SKOR2: variants seen among roughly 807,000 people sequenced by gnomAD.
The protein encoded by SKOR2 is SKI family transcriptional corepressor 2.
Under a neutral mutation model 69.1 loss-of-function variants are expected in SKOR2, and 47 were observed. That is an observed-to-expected ratio of 0.68 (90% CI 0.54 to 0.87). The LOEUF (loss-of-function observed/expected upper bound fraction) is 0.87. Ranked by LOEUF, SKOR2 falls within the 40% of genes least tolerant of loss-of-function variation. SKOR2 has a pLI of 0.00. For missense variants in SKOR2, 1,404 were observed against 1,472.2 expected (o/e 0.95, Z 0.76); for synonymous variants, 717 against 672.6 (o/e 1.07, Z -1.02).
At chr18:47,234,704 T>C (rs2064214140) in intron 4 of SKOR2, among the ~76,000 whole-genome samples, 1 of 151,736 alleles carries the variant, frequency 6.6e-6, no homozygotes, top group Non-Finnish European at 1.5e-5. Context: ...CTACTAAAAA[T>C]ACAAAAACTA....
chr18:47,247,260 C>T lies in SKOR2; in HGVS notation c.1924G>A (p.Ala642Thr). 1 of 1,478,064 alleles carries T rather than the reference C, an allele frequency of 6.8e-7. No individual in the cohort carries two copies. The highest frequency in any genetic ancestry group is 8.9e-7 in the Non-Finnish European group (1 of 1,120,174). 91.6% of individuals were successfully genotyped at this position (1,478,064 alleles called of 1,614,324 possible). ...DAESLAKLHG[A>T]SAGAPHSAQT... is the part of the protein sequence containing the mutation. ...GCCGAGTGGGGCGCGCCCGCCGACG[C>T]CCCGTGCAGCTTGGCCAGGCTCTCC... The change falls in exon 2 of 9, where the codon GCG (alanine) becomes ACG (threonine). Residue 642 changes from alanine to threonine, a missense_variant. This residue lies in a region of SKOR2 where 1,266 missense variants were observed against 1,309.9 expected (regional missense o/e 0.97). Transcript: ENST00000425639. This position sits in a 1 kb window ranked among gnomAD's most constrained non-coding sequence, Gnocchi z 6.6.
intron 6 of SKOR2, among the ~76,000 whole-genome samples, chr18:47,222,175 A>G (rs1465366074): frequency 6.6e-6 from 1 of 152,042 alleles, no homozygotes; most frequent in East Asian, 1.9e-4. Flanking sequence ...ACAAAAAATT[A>G]TCTGAGCATG....
chr18:47,215,221 G>C (rs1191402442), intron 7 of SKOR2, among the ~76,000 whole-genome samples: 1 of 152,138 alleles, frequency 6.6e-6, no homozygotes, highest in Non-Finnish European at 1.5e-5. Flanking sequence ...AGCCTCCACA[G>C]AAGTTCAGGC....
chr18:47,248,069 G>A lies in SKOR2; in HGVS notation c.1115C>T (p.Ala372Val). The change falls in exon 2 of 9, where the codon GCA becomes GTA. Residue 372 changes from alanine to valine, a missense_variant. This residue lies in a region of SKOR2 where 1,266 missense variants were observed against 1,309.9 expected (regional missense o/e 0.97). Transcript: ENST00000425639. The surrounding 1 kb of genome is among the most constrained non-coding windows in gnomAD (Gnocchi z 6.4). ...VGAGAGAGAG[A>V]GAKGPRSYPV... Reference sequence around the variant, plus strand: ...GTAGCTGCGCGGGCCTTTGGCCCCTGCCCCGGCACCCGCCCCCGCGCCCGC... The same window carrying A: ...GTAGCTGCGCGGGCCTTTGGCCCCTACCCCGGCACCCGCCCCCGCGCCCGC... 1 of 1,408,512 alleles carries A rather than the reference G, an allele frequency of 7.1e-7. No individual in the cohort carries two copies. The highest frequency in any genetic ancestry group is 9.2e-7 in the Non-Finnish European group (1 of 1,081,984). The allele number at this position is 1,408,512 out of a possible 1,614,324, so 87.3% of individuals were successfully genotyped here. A position where few individuals can be genotyped will look rare whatever the true frequency, so the allele number is the denominator to read the frequency against.
intron 7 of SKOR2, among the ~76,000 whole-genome samples, chr18:47,214,301 A>C (rs776510093): frequency 6.6e-6 from 1 of 152,192 alleles, no homozygotes; most frequent in African/African-American, 2.4e-5. Flanking sequence ...TAGAAAGTTG[A>C]GAAGGAAAAG....
chr18:47,224,503 TACATCTGGTTC>T (rs1414684963), intron 6 of SKOR2, among the ~76,000 whole-genome samples: 1 of 152,154 alleles, frequency 6.6e-6, no homozygotes, highest in Non-Finnish European at 1.5e-5. Flanking sequence ...ACCCATAGGG[TACATCTGGTTC>T]ACATCTGGTT....
chr18:47,248,772 T>G lies in SKOR2; in HGVS notation c.412A>C (p.Lys138Gln), dbSNP rs1290901905. 6.5e-7 allele frequency: 1 copy of G among 1,549,988 alleles called. No homozygotes were observed. Among genetic ancestry groups the G allele is most frequent in the Non-Finnish European group, 8.7e-7 (1 of 1,154,526 alleles). Residue 138 changes from lysine to glutamine, a missense_variant, in exon 2 of 9, where the codon AAG (lysine) becomes CAG (glutamine). Lys to Gln is a moderately conservative substitution (Grantham distance 53, BLOSUM62 1). Transcript: ENST00000425639. The surrounding 1 kb of genome is among the most constrained non-coding windows in gnomAD (Gnocchi z 6.4). ...KSFLGENRPP[K>Q]LPDNFAFDVS... ...TCGAAGGCGAAATTGTCTGGCAGCT[T>G]GGGCGGCCTGTTTTCGCCCAGGAAC...
At chr18:47,250,196 ATATCTT>A (rs1438091112) in intron 1 of SKOR2, among the ~76,000 whole-genome samples, 2 of 152,158 alleles carry the variant, frequency 1.3e-5, no homozygotes, top group African/African-American at 4.8e-5. Context: ...TGATATCTCT[ATATCTT>A]TATGGGGAAA....
Position 47,247,379 on chromosome 18 carries a change from G to A in SKOR2, c.1805C>T (p.Pro602Leu). The A allele has an allele frequency of 7.1e-7, 1 of 1,411,468 alleles. No homozygotes were observed. Among genetic ancestry groups the A allele is most frequent in the East Asian group, 3.1e-5 (1 of 32,552 alleles). 87.4% of individuals were successfully genotyped at this position (1,411,468 alleles called of 1,614,324 possible). ...SGPAGSRVPA[P>L]HHPHLLEGRK... ...CCCCTCCAGAAGGTGCGGATGGTGG[G>A]GCGCCGGAACCCGGGAGCCCGCGGG... Residue 602 changes from proline to leucine, a missense_variant, in exon 2 of 9, where the codon CCC becomes CTC. By Grantham distance (98) the Pro-to-Leu change is moderately conservative (BLOSUM62 -3). Around this residue, in one of 3 missense-constraint regions of SKOR2, gnomAD observed 1,266 missense variants for 1,309.9 expected, o/e 0.97. Transcript: ENST00000425639. This position sits in a 1 kb window ranked among gnomAD's most constrained non-coding sequence, Gnocchi z 6.6.
chr18:47,248,325 G>GCGGCGC lies in SKOR2; in HGVS notation c.858_859insGCGCCG (p.Pro286_Pro287insAlaPro). 6.7e-6 allele frequency: 8 copies of GCGGCGC among 1,199,952 alleles called. No individual in the cohort carries two copies. The highest frequency in any genetic ancestry group is 8.3e-6 in the Non-Finnish European group (8 of 969,652). 74.3% of individuals were successfully genotyped at this position (1,199,952 alleles called of 1,614,324 possible). A position where few individuals can be genotyped will look rare whatever the true frequency, so the allele number is the denominator to read the frequency against. Reference sequence around the variant, plus strand: ...AAGGGCGGCGGTGGCGGCGGCGGCGGCGGGGGCGCACCCAGCAGGTGGGGG... The same window carrying GCGGCGC: ...AAGGGCGGCGGTGGCGGCGGCGGCGGCGGCGCCGGGGGCGCACCCAGCAGGTGGGGG... On this transcript the variant is annotated inframe_insertion, in exon 2 of 9. Coordinates refer to ENST00000425639, the MANE Select transcript of SKOR2 (RefSeq NM_001278063.4). This position sits in a 1 kb window ranked among gnomAD's most constrained non-coding sequence, Gnocchi z 6.4.
chr18:47,230,332 A>T, intron 6 of SKOR2, 127 bp downstream of exon 6: 1 of 555,524 alleles, frequency 1.8e-6, no homozygotes, highest in Non-Finnish European at 2.8e-6. Context: ...ATGAATATTT[A>T]GGCAGACCAT....
chr18:47,245,840 A>T (rs1246186798), intron 2 of SKOR2, among the ~76,000 whole-genome samples: 1 of 151,714 alleles, frequency 6.6e-6, no homozygotes, highest in African/African-American at 2.4e-5. Flanking sequence ...TAAACACACC[A>T]TGTTATCTGT....
intron 6 of SKOR2, among the ~76,000 whole-genome samples, chr18:47,222,278 T>G (rs867372177): frequency 2.0e-5 from 3 of 150,766 alleles, no homozygotes; most frequent in Non-Finnish European, 2.9e-5. Flanking sequence ...ATTGCACCAC[T>G]GCACTCCAGT....
At chr18:47,239,570 G>A (rs574764757) in intron 4 of SKOR2, among the ~76,000 whole-genome samples, 11 of 152,284 alleles carry the variant, frequency 7.2e-5, no homozygotes, top group Non-Finnish European at 1.3e-4. Context: ...TTTGATTAGT[G>A]CGTCTCGAGT....
In SKOR2 at chr18:47,248,551, A is replaced by G. The variant is rs917580377; in HGVS notation, c.633T>C (p.Arg211=). Residue 211 remains arginine (R), a synonymous_variant, in exon 2 of 9, where the codon CGT becomes CGC. Coordinates refer to ENST00000425639, the MANE Select transcript of SKOR2 (RefSeq NM_001278063.4). The surrounding 1 kb of genome is among the most constrained non-coding windows in gnomAD (Gnocchi z 6.4). ...PDAANFNSWR[R]HLKLTDKSPQ... Reference sequence around the variant, plus strand: ...GACTCTTGTCGGTGAGCTTGAGATGACGGCGCCACGAGTTGAAGTTGGCTG... The same window carrying G: ...GACTCTTGTCGGTGAGCTTGAGATGGCGGCGCCACGAGTTGAAGTTGGCTG... The G allele has an allele frequency of 2.0e-6, 3 of 1,537,162 alleles. No homozygotes were observed. The highest frequency in any genetic ancestry group is 2.0e-5 in the Admixed American group (1 of 50,988).
intron 3 of SKOR2, 128 bp from the exon 4 acceptor site, chr18:47,245,110 C>T (rs17723754): frequency 0.4 from 280,909 of 698,234 alleles, 59,145 homozygotes; most frequent in Middle Eastern, 0.47. Context: ...CTATTAACTC[C>T]AAGGAGAAAC....
At position 47,246,732 on chromosome 18, in the gene SKOR2, T is replaced by A; in HGVS notation, c.2452A>T (p.Arg818Trp). 2 of 1,434,982 alleles carry A rather than the reference T, an allele frequency of 1.4e-6. No homozygotes were observed. The highest frequency in any genetic ancestry group is 1.8e-6 in the Non-Finnish European group (2 of 1,107,170). 88.9% of individuals were successfully genotyped at this position (1,434,982 alleles called of 1,614,324 possible). A position where few individuals can be genotyped will look rare whatever the true frequency, so the allele number is the denominator to read the frequency against. The change falls in exon 2 of 9, where the codon AGG becomes TGG. Residue 818 changes from arginine to tryptophan, a missense_variant. Around this residue, in one of 3 missense-constraint regions of SKOR2, gnomAD observed 1,266 missense variants for 1,309.9 expected, o/e 0.97. Coordinates refer to ENST00000425639, the MANE Select transcript of SKOR2 (RefSeq NM_001278063.4). ...GAFPLGLNSS[R>W]LLQEDGKLGD... ...AGTTTCCCGTCTTCCTGCAGCAGCC[T>A]GGAGGAGTTCAGGCCGAGCGGGAAC...
intron 8 of SKOR2, among the ~76,000 whole-genome samples, chr18:47,211,718 A>G (rs1349125571): frequency 6.6e-6 from 1 of 152,202 alleles, no homozygotes; most frequent in Non-Finnish European, 1.5e-5. Flanking sequence ...GCTTTTTGGA[A>G]GCGAAGGAGA....
At position 47,246,700 on chromosome 18, in the gene SKOR2, G is replaced by A. The variant is rs1467012856; in HGVS notation, c.2484C>T (p.Asp828=). The A allele has an allele frequency of 2.1e-6, 3 of 1,460,510 alleles. No individual in the cohort carries two copies. In the South Asian group the frequency reaches 4.0e-5, roughly 20 times the overall value. 90.5% of individuals were successfully genotyped at this position (1,460,510 alleles called of 1,614,324 possible). The change falls in exon 2 of 9, where the codon GAC becomes GAT. Residue 828 remains aspartate (D), a synonymous_variant. Transcript: ENST00000425639. ...GGGGCGGGGGCAGGTCCGAGCCGGGGTCCCCGAGTTTCCCGTCTTCCTGCA... is the reference window on the plus strand; with the variant it reads ...GGGGCGGGGGCAGGTCCGAGCCGGGATCCCCGAGTTTCCCGTCTTCCTGCA... ...RLLQEDGKLG[D]PGSDLPPPPP... is the part of the protein sequence containing the mutation.
Sources: gnomAD v4.1 joint callset for allele counts (sites outside exome capture counted in the v4.1 genomes callset) on GRCh38, gnomAD v4.1.1 for gene constraint, gnomAD v4.1.1 regional missense constraint, Gnocchi (gnomAD v3.1) non-coding constraint, MANE v1.5 for transcripts, NCBI Gene and HGNC (gene_info 2026-07-23, HGNC 2026-07-21) for gene names.